Variants in MGMT observed in about 807,000 individuals in gnomAD.
The protein encoded by MGMT is O-6-methylguanine-DNA methyltransferase.
MGMT carries 14 observed loss-of-function variants against 15.9 expected under a neutral mutation model. That is an observed-to-expected ratio of 0.88 (90% CI 0.58 to 1.37). The LOEUF is 1.37. Ranked by LOEUF, MGMT falls within the 40% of genes most tolerant of loss-of-function variation. The pLI is 0.00. For missense variants in MGMT, 282 were observed against 268.1 expected, an observed-to-expected ratio of 1.05 and a Z score of -0.36; for synonymous variants, 130 against 118.2, an observed-to-expected ratio of 1.10 and a Z score of -0.65.
intron 1 of MGMT, among the ~76,000 whole-genome samples, chr10:129,467,904 C>T (rs1355396593): frequency 5.3e-5 from 8 of 152,172 alleles, no homozygotes; most frequent in African/African-American, 7.2e-5. Flanking sequence ...CTATGTATTT[C>T]GCACTCCTGG....
intron 2 of MGMT, among the ~76,000 whole-genome samples, chr10:129,696,716 G>A (rs965901308): frequency 5.3e-5 from 8 of 152,352 alleles, no homozygotes; most frequent in South Asian, 2.1e-4. Flanking sequence ...GTGCTGGGTC[G>A]GAGCCGAGGG....
At chr10:129,471,956 C>G (rs923395699) in intron 1 of MGMT, among the ~76,000 whole-genome samples, 33 of 152,188 alleles carry the variant, frequency 2.2e-4, no homozygotes, top group Admixed American at 2.2e-3. Context: ...GTTATTATTG[C>G]TTTTGAGTTT....
intron 1 of MGMT, among the ~76,000 whole-genome samples, chr10:129,525,124 A>G (rs1845855374): frequency 6.6e-6 from 1 of 151,760 alleles, no homozygotes; most frequent in South Asian, 2.1e-4. Flanking sequence ...TATTTCTTTC[A>G]CACACACACA....
At chr10:129,702,939 G>A (rs1848116691) in intron 2 of MGMT, among the ~76,000 whole-genome samples, 2 of 152,222 alleles carry the variant, frequency 1.3e-5, no homozygotes, top group Non-Finnish European at 2.9e-5. Flanking sequence ...CATCACCCCA[G>A]CTCTTCTTCC....
intron 2 of MGMT, chr10:129,694,218 G>C (rs957118962): frequency 2.6e-5 from 4 of 152,288 alleles, no homozygotes; most frequent in African/African-American, 9.6e-5. Flanking sequence ...GAAGGGTTTG[G>C]GGGGTGAAAT....
chr10:129,499,513 C>A (rs1845554668), intron 1 of MGMT, among the ~76,000 whole-genome samples: 1 of 152,194 alleles, frequency 6.6e-6, no homozygotes, highest in Non-Finnish European at 1.5e-5. Flanking sequence ...ATAGCATTTT[C>A]TGCTAATTTA....
chr10:129,706,464 G>A (rs1341667371), intron 2 of MGMT, among the ~76,000 whole-genome samples: 1 of 152,150 alleles, frequency 6.6e-6, no homozygotes, highest in Non-Finnish European at 1.5e-5. Context: ...TGAAGGGCCC[G>A]CGGGAGCTGT....
intron 2 of MGMT, among the ~76,000 whole-genome samples, chr10:129,681,417 G>A (rs1370508724): frequency 1.3e-5 from 2 of 152,262 alleles, no homozygotes; most frequent in Admixed American, 6.5e-5. Flanking sequence ...GCTGAAAGAC[G>A]GCCAAGGTGA....
chr10:129,696,828 C>T (rs376263081), intron 2 of MGMT, among the ~76,000 whole-genome samples: 6 of 152,226 alleles, frequency 3.9e-5, no homozygotes, highest in Non-Finnish European at 7.3e-5. Flanking sequence ...GACTTCTTTA[C>T]GCAGCCCAGT....
Position 129,674,291 on chromosome 10 carries a change from A to G in MGMT, c.126-33604A>G, listed in dbSNP as rs118113094. ...GCCAGTTGTAAAAAAAAAAAATAGT[A>G]TAAACTCCTCACTGACGGTAGTTTG... On this transcript the variant is annotated intron_variant, in intron 2 of 4. Coordinates refer to ENST00000651593, the MANE Select transcript of MGMT (RefSeq NM_002412.5). 1.1e-3 allele frequency among the ~76,000 whole-genome samples: 164 copies of G among 152,286 alleles called. 2 individuals are homozygous for G. In the East Asian group the frequency reaches 0.029, roughly 27 times the overall value.
At chr10:129,572,721 C>T (rs1481626337) in intron 2 of MGMT, among the ~76,000 whole-genome samples, 1 of 152,160 alleles carries the variant, frequency 6.6e-6, no homozygotes, top group Non-Finnish European at 1.5e-5. Context: ...ACACGATTTA[C>T]AGTAAATTAT....
chr10:129,473,338 G>C (rs535678036), intron 1 of MGMT, among the ~76,000 whole-genome samples: 1 of 152,218 alleles, frequency 6.6e-6, no homozygotes, highest in East Asian at 1.9e-4. Context: ...TTAATCTCCT[G>C]TCATGGTTCA....
At chr10:129,714,165 G>A (rs543536613) in intron 3 of MGMT, among the ~76,000 whole-genome samples, 26 of 152,342 alleles carry the variant, frequency 1.7e-4, no homozygotes, top group African/African-American at 5.5e-4. Context: ...TTGCCTGCAC[G>A]GGCTGGCCCC....
intron 1 of MGMT, among the ~76,000 whole-genome samples, chr10:129,527,623 C>A (rs1337765464): frequency 6.6e-6 from 1 of 152,146 alleles, no homozygotes; most frequent in Non-Finnish European, 1.5e-5. Context: ...ATAGCCAGAG[C>A]AGACTCTATG....
chr10:129,741,416 G>A (rs952593881), intron 3 of MGMT, among the ~76,000 whole-genome samples: 9 of 152,336 alleles, frequency 5.9e-5, no homozygotes, highest in Non-Finnish European at 1.0e-4. Flanking sequence ...CGTGTGGTGC[G>A]AGGCGTGCAG....
chr10:129,659,178 G>C lies in MGMT; in HGVS notation c.126-48717G>C, dbSNP rs1366458024. ...TCGAGACCAGCCTGGCCAACACAGT[G>C]AAACCCCATCTCTACTAAAAATACA... On this transcript the variant is annotated intron_variant, in intron 2 of 4. Transcript: ENST00000651593. The surrounding 1 kb of genome is among the most constrained non-coding windows in gnomAD (Gnocchi z 4.1). Among the ~76,000 whole-genome samples, 1 of 152,072 alleles carries C rather than the reference G, an allele frequency of 6.6e-6. No homozygotes were observed. Among genetic ancestry groups the C allele is most frequent in the African/African-American group, 2.4e-5 (1 of 41,382 alleles).
intron 4 of MGMT, among the ~76,000 whole-genome samples, chr10:129,764,652 C>A (rs967029943): frequency 6.6e-6 from 1 of 152,236 alleles, no homozygotes; most frequent in East Asian, 1.9e-4. Context: ...GAAATCATTT[C>A]TCTGTTGAGC....
chr10:129,608,160 C>G (rs575742427), intron 2 of MGMT, among the ~76,000 whole-genome samples: 1 of 152,214 alleles, frequency 6.6e-6, no homozygotes, highest in Admixed American at 6.5e-5. Context: ...GGGGTTGCCA[C>G]GTTGACTTGC....
rs144060041 is a variant in MGMT at position 129,556,536 on chromosome 10, G to A, written c.125+20159G>A. ...AGGGCTTCGTCAGGGCAGCCCTGGC[G>A]GAAGAACGCAGCCTCGTCGGTGGGT... On this transcript the variant is annotated intron_variant, in intron 2 of 4. Transcript: ENST00000651593. The surrounding 1 kb of genome is among the most constrained non-coding windows in gnomAD (Gnocchi z 4.3). 2.8e-3 allele frequency among the ~76,000 whole-genome samples: 421 copies of A among 152,254 alleles called. 2 individuals carry two copies. Among genetic ancestry groups the A allele is most frequent in the African/African-American group, 9.5e-3 (395 of 41,550 alleles).
Sources: gnomAD v4.1 joint callset for allele counts (sites outside exome capture counted in the v4.1 genomes callset) on GRCh38, gnomAD v4.1.1 for gene constraint, Gnocchi (gnomAD v3.1) non-coding constraint, MANE v1.5 for transcripts, NCBI Gene and HGNC (gene_info 2026-07-23, HGNC 2026-07-21) for gene names.